Variants in MAF observed in about 807,000 individuals in gnomAD.
MAF encodes the protein MAF bZIP transcription factor.
Under a neutral mutation model 22.0 loss-of-function variants are expected in MAF, and 10 were observed. The ratio of observed to expected loss-of-function variants is 0.45; its 90% confidence interval spans 0.28 to 0.77. The LOEUF is 0.77. Among genes scored for constraint, MAF ranks in the 30% least tolerant of loss-of-function variants. The pLI, the probability that MAF is intolerant of heterozygous loss-of-function variation, is 0.12. For missense variants in MAF, 544 were observed against 548.4 expected, an observed-to-expected ratio of 0.99 and a Z score of 0.08; for synonymous variants, 337 against 255.8, an observed-to-expected ratio of 1.32 and a Z score of -3.03.
chr16:79,454,024 G>C, the MAF span, among the ~76,000 whole-genome samples: 4 of 152,140 alleles, frequency 2.6e-5, no homozygotes, highest in Admixed American at 6.5e-5. Flanking sequence ...AATGTATTGA[G>C]ATTCTACAAC....
At chr16:79,480,159 T>A in the MAF span, among the ~76,000 whole-genome samples, 1 of 152,056 alleles carries the variant, frequency 6.6e-6, no homozygotes, top group African/African-American at 2.4e-5. Context: ...AACCTCTGTT[T>A]CCAACACAGT....
the MAF span, among the ~76,000 whole-genome samples, chr16:79,389,463 T>G: frequency 6.6e-6 from 1 of 152,050 alleles, no homozygotes; most frequent in Non-Finnish European, 1.5e-5. Flanking sequence ...TCACCATGTT[T>G]GTTCACCAGG....
At chr16:79,538,871 A>AAAGAAAGAAAGAAAGAAAG in the MAF span, among the ~76,000 whole-genome samples, 94 of 104,336 alleles carry the variant, frequency 9.0e-4, 1 homozygote, top group African/African-American at 3.1e-3. Flanking sequence ...AAAAGAAAAG[A>AAAGAAAGAAAGAAAGAAAG]AAAGAAAGAA....
At chr16:79,296,553 T>C in the MAF span, among the ~76,000 whole-genome samples, 1 of 151,998 alleles carries the variant, frequency 6.6e-6, no homozygotes, top group African/African-American at 2.4e-5. Context: ...AAGAAAAAAA[T>C]CAGTTTCATA....
chr16:79,484,122 T>C, the MAF span, among the ~76,000 whole-genome samples: 1 of 152,304 alleles, frequency 6.6e-6, no homozygotes, highest in East Asian at 1.9e-4. Flanking sequence ...ATGGGGTCTA[T>C]TGTTGGACCA....
At chr16:79,572,597 G>A in the MAF span, among the ~76,000 whole-genome samples, 1 of 152,200 alleles carries the variant, frequency 6.6e-6, no homozygotes, top group Non-Finnish European at 1.5e-5. Flanking sequence ...TGAATTCTAG[G>A]CAGAAGTGGC....
the MAF span, among the ~76,000 whole-genome samples, chr16:79,414,175 T>G: frequency 6.6e-6 from 1 of 152,150 alleles, no homozygotes; most frequent in African/African-American, 2.4e-5. Context: ...CTAAACCAAG[T>G]GTGAGAGTGT....
At chr16:79,510,504 T>G in the MAF span, among the ~76,000 whole-genome samples, 1 of 152,184 alleles carries the variant, frequency 6.6e-6, no homozygotes, top group Non-Finnish European at 1.5e-5. Context: ...GGTTCCAGAA[T>G]AGAGGCAGAG....
At chr16:79,535,659 G>A in the MAF span, among the ~76,000 whole-genome samples, 8 of 138,922 alleles carry the variant, frequency 5.8e-5, no homozygotes, top group South Asian at 2.3e-4. Context: ...GTGACATCTC[G>A]GTCACTGCAA....
At chr16:79,418,145 T>C in the MAF span, among the ~76,000 whole-genome samples, 5,270 of 152,302 alleles carry the variant, frequency 0.035, 198 homozygotes, top group African/African-American at 0.093. Context: ...TGAAGCCGGA[T>C]GATTCCCTCT....
chr16:79,279,739 T>A, the MAF span, among the ~76,000 whole-genome samples: 1 of 152,220 alleles, frequency 6.6e-6, no homozygotes, highest in Admixed American at 6.5e-5. Context: ...CCTCCAAGCC[T>A]GGGATTCATT....
the MAF span, among the ~76,000 whole-genome samples, chr16:79,253,370 CT>C: frequency 1.3e-5 from 2 of 152,190 alleles, no homozygotes; most frequent in Non-Finnish European, 2.9e-5. Context: ...TCTTCTGCAG[CT>C]TTTTCCAGAG....
At chr16:79,578,738 C>A in the MAF span, among the ~76,000 whole-genome samples, 3 of 152,122 alleles carry the variant, frequency 2.0e-5, no homozygotes, top group African/African-American at 4.8e-5. Flanking sequence ...TGCTATTAAT[C>A]GCAAATTACT....
chr16:79,459,371 A>C, the MAF span, among the ~76,000 whole-genome samples: 1 of 152,178 alleles, frequency 6.6e-6, no homozygotes, highest in African/African-American at 2.4e-5. Flanking sequence ...CAACATTAAA[A>C]ATGCTGCCCT....
the MAF span, among the ~76,000 whole-genome samples, chr16:79,272,563 T>G: frequency 1.3e-5 from 2 of 152,200 alleles, no homozygotes; most frequent in Non-Finnish European, 2.9e-5. Context: ...AACTTTCATT[T>G]GTGACCACGT....
In MAF at chr16:79,586,234, G is replaced by C. The variant is rs1399004926; in HGVS notation, c.1119-293C>G. Reference sequence around the variant, plus strand: ...ACCCACTGGTTGGCAGCCTGGATCAGCTTTGAAGCTGTCCTGAGTTCAAAG... The same window carrying C: ...ACCCACTGGTTGGCAGCCTGGATCACCTTTGAAGCTGTCCTGAGTTCAAAG... On this transcript the variant is annotated intron_variant, in intron 1 of 1. Transcript: ENST00000569649. Among the ~76,000 whole-genome samples the C allele has an allele frequency of 2.6e-5, 4 of 152,328 alleles. No homozygotes were observed. In the East Asian group the frequency reaches 7.7e-4, roughly 29 times the overall value.
intron 1 of MAF, chr16:79,595,952 T>G: frequency 9.4e-7 from 1 of 1,061,056 alleles, no homozygotes; most frequent in Non-Finnish European, 1.1e-6. Context: ...CAAACAACTA[T>G]GATTTGTCAT....
chr16:79,411,510 G>A, the MAF span, among the ~76,000 whole-genome samples: 1 of 152,228 alleles, frequency 6.6e-6, no homozygotes, highest in Non-Finnish European at 1.5e-5. Context: ...TTGCAGGGCA[G>A]AAGATGAGAG....
the MAF span, among the ~76,000 whole-genome samples, chr16:79,469,139 C>T: frequency 6.6e-6 from 1 of 152,150 alleles, no homozygotes; most frequent in African/African-American, 2.4e-5. Context: ...CCCTGCAAGC[C>T]CCATCCAGCC....
Sources: gnomAD v4.1 joint callset for allele counts (sites outside exome capture counted in the v4.1 genomes callset) on GRCh38, gnomAD v4.1.1 for gene constraint, MANE v1.5 for transcripts, NCBI Gene and HGNC (gene_info 2026-07-23, HGNC 2026-07-21) for gene names.